The following OTUD7A variants were observed in gnomAD, a reference collection of about 807,000 sequenced individuals.
OTUD7A encodes OTU domain-containing protein 7A.
A neutral mutation model predicts 65.7 loss-of-function variants in OTUD7A; 12 were observed. The observed-to-expected ratio is 0.18, with a 90% CI of 0.12 to 0.30. OTUD7A has a LOEUF of 0.30. OTUD7A is among the 10% of genes least tolerant of loss of function. The probability of loss-of-function intolerance (pLI) is 1.00; values close to 1 mark genes in which losing one functional copy is unlikely to be tolerated. For synonymous variants in OTUD7A, 641 were observed against 586.3 expected (o/e 1.09, Z -1.35); for missense variants, 1,148 against 1,304.8 (o/e 0.88, Z 1.85).
intron 1 of OTUD7A, among the ~76,000 whole-genome samples, chr15:31,850,061 G>A (rs1425561497): frequency 2.6e-5 from 4 of 151,874 alleles, no homozygotes; most frequent in African/African-American, 7.3e-5. Flanking sequence ...CCATTACTGC[G>A]TATAAACCCA....
intron 1 of OTUD7A, among the ~76,000 whole-genome samples, chr15:31,803,658 CG>C (rs1226569097): frequency 6.6e-6 from 1 of 152,152 alleles, no homozygotes; most frequent in Non-Finnish European, 1.5e-5. Context: ...CATTATGACT[CG>C]GAAGACTGGC....
intron 3 of OTUD7A, among the ~76,000 whole-genome samples, chr15:31,573,946 A>T (rs1023241333): frequency 6.6e-6 from 1 of 152,196 alleles, no homozygotes; most frequent in African/African-American, 2.4e-5. Context: ...TGACAGGTCA[A>T]ATATGTATAT....
At chr15:31,790,895 T>G (rs1253796183) in intron 1 of OTUD7A, among the ~76,000 whole-genome samples, 1 of 152,186 alleles carries the variant, frequency 6.6e-6, no homozygotes, top group Non-Finnish European at 1.5e-5. Context: ...CAGGTTAGGA[T>G]GAGAACTTGA....
intron 1 of OTUD7A, among the ~76,000 whole-genome samples, chr15:31,747,685 T>G (rs758457438): frequency 1.3e-5 from 2 of 152,148 alleles, no homozygotes; most frequent in Non-Finnish European, 2.9e-5. Flanking sequence ...AATTCATCAA[T>G]GAGTGCTAAA....
chr15:31,749,773 A>G (rs1306069584), intron 1 of OTUD7A, among the ~76,000 whole-genome samples: 1 of 152,186 alleles, frequency 6.6e-6, no homozygotes, highest in Admixed American at 6.5e-5. Flanking sequence ...AAGTCGAACT[A>G]TCTCTCTTCG....
In OTUD7A at chr15:31,720,181, T is replaced by C. The variant is rs531312208; in HGVS notation, c.-99-63104A>G. Among the ~76,000 whole-genome samples the C allele has an allele frequency of 2.5e-4, 38 of 150,396 alleles. No homozygotes were observed. In the South Asian group the frequency reaches 8.1e-3, roughly 32 times the overall value. On this transcript the variant is annotated intron_variant, in intron 1 of 12. Transcript: ENST00000307050. The stretch of plus-strand genomic sequence containing the variant: ...AAAAGTTTAAAATTGCTCACAAGAC[T>C]AACAGGGAGCCCGGTGAATTGGCCA...
At chr15:31,855,790 T>C (rs796967634) in intron 1 of OTUD7A, among the ~76,000 whole-genome samples, 56 of 152,328 alleles carry the variant, frequency 3.7e-4, no homozygotes, top group African/African-American at 1.3e-3. Context: ...ACACAGTAGT[T>C]TGCAAACAGC....
At chr15:31,798,985 G>A (rs898283241) in intron 1 of OTUD7A, among the ~76,000 whole-genome samples, 9 of 152,212 alleles carry the variant, frequency 5.9e-5, no homozygotes, top group African/African-American at 2.2e-4. Context: ...GGGGTCACAG[G>A]CCTTCAAGGA....
intron 1 of OTUD7A, among the ~76,000 whole-genome samples, chr15:31,842,799 A>G (rs1170060202): frequency 2.6e-5 from 4 of 152,178 alleles, no homozygotes; most frequent in Non-Finnish European, 5.9e-5. Flanking sequence ...GACTTAAGCC[A>G]TAGTAGAACA....
rs536019815 is a variant in OTUD7A at position 31,720,424 on chromosome 15, C to A, written c.-99-63347G>T. On this transcript the variant is annotated intron_variant, in intron 1 of 12. Transcript: ENST00000307050. ...TCATTTTTTTTTTTTTTTTTTGAGA[C>A]GGAGTCTCGCTGTCGCCCAGGCTGG... is the stretch of plus-strand genomic sequence containing the variant. Among the ~76,000 whole-genome samples the A allele has an allele frequency of 1.7e-4, 24 of 143,360 alleles. No homozygotes were observed. In the South Asian group the frequency reaches 2.0e-3, roughly 12 times the overall value. The allele number at this position is 143,360 out of a possible 152,430, so 94.0% of individuals were successfully genotyped here.
At chr15:31,831,228 C>A (rs1242544485) in intron 1 of OTUD7A, among the ~76,000 whole-genome samples, 1 of 152,122 alleles carries the variant, frequency 6.6e-6, no homozygotes, top group Non-Finnish European at 1.5e-5. Flanking sequence ...TATCTTCATG[C>A]CTTAGCATAG....
intron 1 of OTUD7A, among the ~76,000 whole-genome samples, chr15:31,865,844 C>T (rs564817337): frequency 3.9e-5 from 6 of 152,254 alleles, no homozygotes; most frequent in Non-Finnish European, 5.9e-5. Context: ...ACAAATGAAA[C>T]GCTGAACAGA....
intron 8 of OTUD7A, 55 bp downstream of exon 8, chr15:31,526,294 C>T: frequency 6.7e-7 from 1 of 1,486,224 alleles, no homozygotes; most frequent in Non-Finnish European, 9.0e-7. Flanking sequence ...TGTGTGTAGC[C>T]CTGGGTGGCC....
At chr15:31,628,152 C>T (rs1891022927) in intron 3 of OTUD7A, among the ~76,000 whole-genome samples, 1 of 152,188 alleles carries the variant, frequency 6.6e-6, no homozygotes, top group Non-Finnish European at 1.5e-5. Flanking sequence ...GTGTTTTAGA[C>T]ATGAAGTCCT....
intron 3 of OTUD7A, among the ~76,000 whole-genome samples, chr15:31,577,597 C>T (rs1889240767): frequency 6.6e-6 from 1 of 152,074 alleles, no homozygotes; most frequent in Non-Finnish European, 1.5e-5. Context: ...AAAACTGTAA[C>T]CTGATCACCT....
intron 1 of OTUD7A, among the ~76,000 whole-genome samples, chr15:31,773,572 T>C (rs1895295030): frequency 6.6e-6 from 1 of 152,166 alleles, no homozygotes; most frequent in Non-Finnish European, 1.5e-5. Context: ...CCTTGGGAGT[T>C]AGGATTTCAA....
chr15:31,629,883 A>C (rs1017728186), intron 3 of OTUD7A, among the ~76,000 whole-genome samples: 1 of 152,066 alleles, frequency 6.6e-6, no homozygotes, highest in South Asian at 2.1e-4. Flanking sequence ...TTTGTGTAGA[A>C]GTGTTTGTAG....
intron 3 of OTUD7A, among the ~76,000 whole-genome samples, chr15:31,586,739 G>A (rs895062420): frequency 6.6e-6 from 1 of 152,110 alleles, no homozygotes; most frequent in Non-Finnish European, 1.5e-5. Context: ...CTGATGGCCT[G>A]CACTTTGCCA....
intron 1 of OTUD7A, among the ~76,000 whole-genome samples, chr15:31,825,445 C>G (rs1567042546): frequency 6.6e-6 from 1 of 152,198 alleles, no homozygotes; most frequent in East Asian, 1.9e-4. Context: ...ACCATGAGAA[C>G]AGTATGGGGG....
Sources: gnomAD v4.1 joint callset for allele counts (sites outside exome capture counted in the v4.1 genomes callset) on GRCh38, gnomAD v4.1.1 for gene constraint, MANE v1.5 for transcripts, NCBI Gene and HGNC (gene_info 2026-07-23, HGNC 2026-07-21) for gene names.